The following BNIP2 variants were observed in gnomAD, a reference collection of about 807,000 sequenced individuals.
BNIP2 encodes BCL2/adenovirus E1B 19 kDa protein-interacting protein 2.
BNIP2 carries 36 observed loss-of-function variants against 43.4 expected under a neutral mutation model. The ratio of observed to expected loss-of-function variants is 0.83; its 90% CI spans 0.64 to 1.10. The LOEUF is 1.10. Ranked by LOEUF, BNIP2 falls within the 50% of genes least tolerant of loss-of-function variation. The pLI, the probability that BNIP2 is intolerant of heterozygous loss-of-function variation, is 0.00. For synonymous variants in BNIP2, 146 were observed against 121.0 expected (o/e 1.21, Z -1.35); for missense variants, 417 against 374.1 (o/e 1.11, Z -0.95).
At position 59,679,735 on chromosome 15, in the gene BNIP2, T is replaced by G. The variant is rs746810903; in HGVS notation, c.152A>C (p.Lys51Thr). The change falls in exon 4 of 10, where the codon AAG (lysine) becomes ACG (threonine). Residue 51 changes from lysine to threonine, a missense_variant. Physicochemically the swap from Lys to Thr is moderately conservative, Grantham distance 78. Transcript: ENST00000607373. ...SLEVNGNKVR[K>T]KLMAPDISLT... is the part of the protein sequence containing the mutation. ...GCTAATGTCTGGAGCCATTAGTTTC[T>G]TTCTCACTTTATTTCCATTAACTTC... 1 of 1,563,114 alleles carries G rather than the reference T, an allele frequency of 6.4e-7. No individual in the cohort carries two copies. Among genetic ancestry groups the G allele is most frequent in the African/African-American group, 1.4e-5 (1 of 71,148 alleles).
chr15:59,659,952 G>A lies in BNIP2; in HGVS notation c.*4117C>T, dbSNP rs1011533454. The stretch of plus-strand genomic sequence containing the variant: ...CTACTTTATTTTCAATTATCCTTTA[G>A]AACTTCAAAGGAAAGTTACATAACT... On this transcript the variant is annotated 3_prime_UTR_variant, in exon 10 of 10. Coordinates refer to ENST00000607373, the MANE Select transcript of BNIP2 (RefSeq NM_004330.4). 6.6e-6 allele frequency: 1 copy of A among 152,108 alleles called. No homozygotes were observed. The allele number at this position is 152,108 out of a possible 1,614,324, so 9.4% of individuals were successfully genotyped here. A position where few individuals can be genotyped will look rare whatever the true frequency, so the allele number is the denominator to read the frequency against.
chr15:59,678,906 T>C (rs1166180709), intron 4 of BNIP2: 5 of 1,281,298 alleles, frequency 3.9e-6, no homozygotes, highest in Admixed American at 4.7e-5. Flanking sequence ...TTACAAAGTA[T>C]TGCTTACTAC....
rs1450772008 is a variant in BNIP2 at position 59,663,558 on chromosome 15, A to G, written c.*511T>C. On this transcript the variant is annotated 3_prime_UTR_variant, in exon 10 of 10. Coordinates refer to ENST00000607373, the MANE Select transcript of BNIP2 (RefSeq NM_004330.4). Reference sequence around the variant, plus strand: ...GTTTAACCATCTGTTGCCTTATGAAAAACTTAATTTCCTAAGTTACCCAGG... The same window carrying G: ...GTTTAACCATCTGTTGCCTTATGAAGAACTTAATTTCCTAAGTTACCCAGG... The G allele has an allele frequency of 6.5e-6, 1 of 152,676 alleles. No individual in the cohort carries two copies. The highest frequency in any genetic ancestry group is 2.4e-5 in the African/African-American group (1 of 41,448). The allele number at this position is 152,676 out of a possible 1,614,324, so 9.5% of individuals were successfully genotyped here. A position where few individuals can be genotyped will look rare whatever the true frequency, so the allele number is the denominator to read the frequency against.
At chr15:59,685,534 T>G (rs1395456088) in intron 1 of BNIP2, among the ~76,000 whole-genome samples, 1 of 152,070 alleles carries the variant, frequency 6.6e-6, no homozygotes, top group Non-Finnish European at 1.5e-5. Flanking sequence ...CAACAAAAAC[T>G]AAATAGCTCC....
At chr15:59,664,196 GC>G in intron 9 of BNIP2, 76 bp from the exon 10 acceptor site, 1 of 983,924 alleles carries the variant, frequency 1.0e-6, no homozygotes, top group South Asian at 1.7e-5. Context: ...GACTATTTTA[GC>G]ATAGAATATT....
chr15:59,685,433 G>A (rs1387436638), intron 1 of BNIP2, among the ~76,000 whole-genome samples: 3 of 152,182 alleles, frequency 2.0e-5, no homozygotes, highest in African/African-American at 2.4e-5. Context: ...CCCCAGAGGT[G>A]AAGGTTGCAG....
Position 59,663,011 on chromosome 15 carries a change from T to C in BNIP2, c.*1058A>G, listed in dbSNP as rs1398814671. On this transcript the variant is annotated 3_prime_UTR_variant, in exon 10 of 10. Transcript: ENST00000607373. Reference sequence around the variant, plus strand: ...ACCTAATTTACAGTATTGTCAAACATGATTTCATACAAACTTGAATAAACA... The same window carrying C: ...ACCTAATTTACAGTATTGTCAAACACGATTTCATACAAACTTGAATAAACA... The C allele has an allele frequency of 1.3e-5, 2 of 152,632 alleles. No individual in the cohort carries two copies. Among genetic ancestry groups the C allele is most frequent in the African/African-American group, 4.8e-5 (2 of 41,446 alleles). The allele number at this position is 152,632 out of a possible 1,614,324, so 9.5% of individuals were successfully genotyped here. A position where few individuals can be genotyped will look rare whatever the true frequency, so the allele number is the denominator to read the frequency against.
chr15:59,665,701 G>A (rs1892529910), intron 9 of BNIP2, among the ~76,000 whole-genome samples: 1 of 152,178 alleles, frequency 6.6e-6, no homozygotes, highest in South Asian at 2.1e-4. Flanking sequence ...GTGGGCATTA[G>A]AAGGATTACA....
intron 2 of BNIP2, 149 bp downstream of exon 2, chr15:59,682,259 G>A (rs6151487): frequency 0.55 from 310,622 of 562,118 alleles, 90,082 homozygotes; most frequent in Middle Eastern, 0.62. Flanking sequence ...TCCAGGAGGC[G>A]GAGGTTGCAG....
chr15:59,665,821 T>A (rs1892536050), intron 9 of BNIP2, among the ~76,000 whole-genome samples: 1 of 152,180 alleles, frequency 6.6e-6, no homozygotes, highest in Non-Finnish European at 1.5e-5. Flanking sequence ...CAATCCGGTA[T>A]TAGATAAAGA....
intron 5 of BNIP2, among the ~76,000 whole-genome samples, chr15:59,674,110 A>AAC (rs1893115595): frequency 6.6e-6 from 1 of 151,598 alleles, no homozygotes; most frequent in Non-Finnish European, 1.5e-5. Context: ...ACAAAAACAA[A>AAC]AACAAAAAAA....
chr15:59,678,176 G>T, intron 4 of BNIP2, 89 bp from the exon 5 acceptor site: 1 of 1,440,298 alleles, frequency 6.9e-7, no homozygotes. Context: ...AGATTTTACA[G>T]AGAATTTTCA....
At chr15:59,668,048 G>A (rs1361990730) in intron 9 of BNIP2, 1 of 1,151,292 alleles carries the variant, frequency 8.7e-7, no homozygotes, top group African/African-American at 1.6e-5. Flanking sequence ...GGAAGAGTTA[G>A]TCTGCAATGC....
Position 59,664,107 on chromosome 15 carries a change from G to A in BNIP2, c.907C>T (p.Leu303Phe). 1 of 1,545,954 alleles carries A rather than the reference G, an allele frequency of 6.5e-7. No individual in the cohort carries two copies. The highest frequency in any genetic ancestry group is 8.8e-7 in the Non-Finnish European group (1 of 1,142,670). The change falls in exon 10 of 10, where the codon CTT (leucine) becomes TTT (phenylalanine). Residue 303 changes from leucine to phenylalanine, a missense_variant. By Grantham distance (22) the Leu-to-Phe change is conservative. Transcript: ENST00000607373. ...TTCGGTTCATCTTGTTTTCCATTAA[G>A]TTCTTGATCAACTCTGTTTAATGAA... is the stretch of plus-strand genomic sequence containing the variant. The part of the protein sequence containing the change: ...PECIKQVDQE[L>F]NGKQDEPKNE...
At chr15:59,674,127 A>G (rs1297673251) in intron 5 of BNIP2, among the ~76,000 whole-genome samples, 3 of 151,842 alleles carry the variant, frequency 2.0e-5, no homozygotes, top group African/African-American at 7.3e-5. Context: ...AAAACAAACT[A>G]AATTACATCT....
Position 59,669,362 on chromosome 15 carries a change from C to A in BNIP2, c.708G>T (p.Arg236Ser). Residue 236 changes from arginine to serine, a missense_variant and splice_region_variant, in exon 8 of 10, where the codon AGG (arginine) becomes AGT (serine). Transcript: ENST00000607373. ...TTAGGGATTTTAGATTTTTCCGTAA[C>A]CTGGAGTTTAAAAAAAAAACACACA... ...LRKCYQQIDR[R>S]LRKNLKSLII... is the part of the protein sequence containing the mutation. 6.7e-7 allele frequency: 1 copy of A among 1,498,390 alleles called. No homozygotes were observed. Among genetic ancestry groups the A allele is most frequent in the Non-Finnish European group, 8.9e-7 (1 of 1,125,082 alleles). The allele number at this position is 1,498,390 out of a possible 1,614,324, so 92.8% of individuals were successfully genotyped here. A position where few individuals can be genotyped will look rare whatever the true frequency, so the allele number is the denominator to read the frequency against.
Position 59,669,292 on chromosome 15 carries a change from TAACAGC to T in BNIP2, c.772_777del (p.Ala258_Val259del). 1 of 1,553,626 alleles carries T rather than the reference TAACAGC, an allele frequency of 6.4e-7. No individual in the cohort carries two copies. The highest frequency in any genetic ancestry group is 8.6e-7 in the Non-Finnish European group (1 of 1,158,458). On this transcript the variant is annotated inframe_deletion, in exon 8 of 10. Coordinates refer to ENST00000607373, the MANE Select transcript of BNIP2 (RefSeq NM_004330.4). ...AAAAATTACCTAATAAATGGTCTTG[TAACAGC>T]CAGAAGTGTTCTGATAAACCAAGAA...
intron 7 of BNIP2, among the ~76,000 whole-genome samples, 159 bp downstream of exon 7, chr15:59,671,024 G>C (rs1221737028): frequency 6.8e-6 from 1 of 148,142 alleles, no homozygotes; most frequent in Non-Finnish European, 1.5e-5. Flanking sequence ...GGTGAACCGA[G>C]ATTGTGCCAT....
Position 59,661,317 on chromosome 15 carries a change from G to C in BNIP2, c.*2752C>G, listed in dbSNP as rs1330378105. On this transcript the variant is annotated 3_prime_UTR_variant, in exon 10 of 10. Transcript: ENST00000607373. ...TGCACTCCAGAATGGGTGACAGAGTGAGTCTCTGTCTCCAAAAAAAAAAAA... is the reference window on the plus strand; with the variant it reads ...TGCACTCCAGAATGGGTGACAGAGTCAGTCTCTGTCTCCAAAAAAAAAAAA... 17 of 106,254 alleles carry C rather than the reference G, an allele frequency of 1.6e-4. No individual in the cohort carries two copies. Among genetic ancestry groups the C allele is most frequent in the Non-Finnish European group, 2.3e-4 (13 of 56,530 alleles). The allele number at this position is 106,254 out of a possible 1,614,324, so 6.6% of individuals were successfully genotyped here.
Sources: gnomAD v4.1 joint callset for allele counts (sites outside exome capture counted in the v4.1 genomes callset) on GRCh38, gnomAD v4.1.1 for gene constraint, MANE v1.5 for transcripts, NCBI Gene and HGNC (gene_info 2026-07-23, HGNC 2026-07-21) for gene names.